The following DENND2B variants were observed in gnomAD, a reference collection of about 807,000 sequenced individuals.
DENND2B encodes the protein DENN domain containing 2B.
In DENND2B, 32 loss-of-function variants were observed where a neutral mutation model predicts 116.0. The observed-to-expected ratio is 0.28, with a 90% CI of 0.21 to 0.37. The LOEUF (loss-of-function observed/expected upper bound fraction) is 0.37. DENND2B is among the 10% of genes least tolerant of loss of function. The pLI is 1.00. For missense variants in DENND2B, 1,276 were observed against 1,477.7 expected, an observed-to-expected ratio of 0.86 and a Z score of 2.24; for synonymous variants, 588 against 583.9, an observed-to-expected ratio of 1.01 and a Z score of -0.10.
rs140343181 is a variant in DENND2B, at chr11:8,741,826, G to A, written c.80+8795C>T. Among the ~76,000 whole-genome samples, 121 of 152,290 alleles carry A rather than the reference G, an allele frequency of 7.9e-4. 2 individuals are homozygous for A. In the East Asian group the frequency reaches 0.016, roughly 20 times the overall value. ...AACAGCTAGAATCCCCCAGACGTGG[G>A]GTTAAGACATCTCCAGGTGATACCA... On this transcript the variant is annotated intron_variant, in intron 2 of 19. Coordinates refer to ENST00000313726, the MANE Select transcript of DENND2B (RefSeq NM_213618.2).
At chr11:8,891,241 C>T (rs1214219405) in intron 1 of DENND2B, among the ~76,000 whole-genome samples, 1 of 152,064 alleles carries the variant, frequency 6.6e-6, no homozygotes. Flanking sequence ...CTGAAGGAAG[C>T]AATAAACATG....
At chr11:8,876,284 T>C (rs915478998), upstream of DENND2B, among the ~76,000 whole-genome samples, 1 of 152,154 alleles carries the variant, frequency 6.6e-6, no homozygotes, top group South Asian at 2.1e-4. Flanking sequence ...CATTTGGATT[T>C]CAAGTATTAC....
At chr11:8,794,485 T>C (rs947277979) in intron 1 of DENND2B, among the ~76,000 whole-genome samples, 4 of 152,086 alleles carry the variant, frequency 2.6e-5, no homozygotes, top group African/African-American at 9.7e-5. Flanking sequence ...CCTTCCTACA[T>C]TGAAACAGAA....
At chr11:8,803,660 G>A (rs1037076955) in intron 1 of DENND2B, among the ~76,000 whole-genome samples, 5 of 152,174 alleles carry the variant, frequency 3.3e-5, no homozygotes, top group East Asian at 3.8e-4. Flanking sequence ...CAACTAAGTC[G>A]AGTGCCTTAC....
chr11:8,755,363 T>A (rs2053431190), intron 1 of DENND2B, among the ~76,000 whole-genome samples: 1 of 152,234 alleles, frequency 6.6e-6, no homozygotes, highest in Non-Finnish European at 1.5e-5. Flanking sequence ...TAAAAATAAG[T>A]CAAGTCCTAA....
At chr11:8,893,481 T>C (rs1038013125) in intron 1 of DENND2B, among the ~76,000 whole-genome samples, 1 of 152,236 alleles carries the variant, frequency 6.6e-6, no homozygotes, top group Non-Finnish European at 1.5e-5. Context: ...GATGACATGA[T>C]TGTATGTTTA....
At chr11:8,793,950 TATGGCTCAAGG>T (rs1481600825) in intron 1 of DENND2B, among the ~76,000 whole-genome samples, 1 of 152,156 alleles carries the variant, frequency 6.6e-6, no homozygotes, top group Non-Finnish European at 1.5e-5. Flanking sequence ...AAAGAATCTT[TATGGCTCAAGG>T]ATGTTAGTTT....
upstream of DENND2B, among the ~76,000 whole-genome samples, chr11:8,814,267 C>CT (rs78274604): frequency 0.027 from 3,303 of 121,456 alleles, 221 homozygotes; most frequent in African/African-American, 0.091. Flanking sequence ...TCTGAATCAC[C>CT]TTTTTTTTTT....
chr11:8,817,261 A>G (rs570237105), intron 4 of DENND2B, among the ~76,000 whole-genome samples: 1 of 152,280 alleles, frequency 6.6e-6, no homozygotes, highest in African/African-American at 2.4e-5. Flanking sequence ...CAAATCAAGC[A>G]TTCTCTACCT....
At chr11:8,696,936 T>C (rs768098747) in intron 17 of DENND2B, among the ~76,000 whole-genome samples, 3 of 152,154 alleles carry the variant, frequency 2.0e-5, no homozygotes, top group Non-Finnish European at 4.4e-5. Flanking sequence ...GGTGCACTTT[T>C]TGTATTTTTA....
At chr11:8,830,865 C>T (rs1008607593) in intron 4 of DENND2B, 3 of 152,288 alleles carry the variant, frequency 2.0e-5, no homozygotes, top group Non-Finnish European at 2.9e-5. Flanking sequence ...GCAACAGCTG[C>T]TCACAGTGCC....
chr11:8,861,806 A>T (rs2063401531), intron 2 of DENND2B, among the ~76,000 whole-genome samples: 1 of 144,344 alleles, frequency 6.9e-6, no homozygotes. Flanking sequence ...ATGAGTGATT[A>T]AAAAATGTGG....
chr11:8,758,213 C>T (rs2053940590), intron 1 of DENND2B, among the ~76,000 whole-genome samples: 1 of 152,190 alleles, frequency 6.6e-6, no homozygotes, highest in South Asian at 2.1e-4. Flanking sequence ...TCACGACTCA[C>T]CATCTTCCCA....
chr11:8,818,949 CTTTT>C lies in DENND2B; in HGVS notation c.-114-7618_-114-7615del, dbSNP rs1350412880. On this transcript the variant is annotated intron_variant, in intron 4 of 6. Coordinates refer to the DENND2B transcript ENST00000524757. ...TGATTATAAGTGGTATATGGACAAA[CTTTT>C]TTTAAGTTTTTAATACTTTTATATT... 2.0e-5 allele frequency among the ~76,000 whole-genome samples: 3 copies of C among 152,090 alleles called. No homozygotes were observed. In the East Asian group the frequency reaches 5.8e-4, roughly 29 times the overall value.
chr11:8,859,924 C>T (rs2134674242), intron 2 of DENND2B, among the ~76,000 whole-genome samples: 1 of 152,272 alleles, frequency 6.6e-6, no homozygotes, highest in South Asian at 2.1e-4. Flanking sequence ...TAAAAACCTC[C>T]CATACCTAGC....
chr11:8,726,533 C>T (rs914793705), intron 3 of DENND2B, among the ~76,000 whole-genome samples: 1 of 152,202 alleles, frequency 6.6e-6, no homozygotes, highest in Non-Finnish European at 1.5e-5. Flanking sequence ...AACAGTGCCA[C>T]CAGTATTGGG....
intron 13 of DENND2B, among the ~76,000 whole-genome samples, chr11:8,705,395 T>C (rs111842579): frequency 7.2e-4 from 109 of 152,310 alleles, no homozygotes; most frequent in Non-Finnish European, 1.3e-3. Context: ...CGCCTCATCC[T>C]GACCTCTTGG....
intron 1 of DENND2B, among the ~76,000 whole-genome samples, chr11:8,895,324 C>T (rs1410488472): frequency 6.6e-6 from 1 of 152,032 alleles, no homozygotes; most frequent in Non-Finnish European, 1.5e-5. Flanking sequence ...TGCAGCACAC[C>T]AACATGGCAC....
intron 7 of DENND2B, 64 bp downstream of exon 7, chr11:8,714,546 C>T: frequency 7.3e-7 from 1 of 1,368,458 alleles, no homozygotes; most frequent in Non-Finnish European, 1.0e-6. Flanking sequence ...TAAATTGATG[C>T]CTCTCCCGTT....
Sources: gnomAD v4.1 joint callset for allele counts (sites outside exome capture counted in the v4.1 genomes callset) on GRCh38, gnomAD v4.1.1 for gene constraint, MANE v1.5 for transcripts, NCBI Gene and HGNC (gene_info 2026-07-23, HGNC 2026-07-21) for gene names.